Variants in KIFC3 observed in about 807,000 individuals in gnomAD.
KIFC3 encodes kinesin family member C3.
A neutral mutation model predicts 101.8 loss-of-function variants in KIFC3; 60 were observed. The ratio of observed to expected loss-of-function variants is 0.59; its 90% CI spans 0.48 to 0.73. The LOEUF is 0.73. Ranked by LOEUF, KIFC3 falls within the 30% of genes least tolerant of loss-of-function variation. The pLI is 0.00. For synonymous variants in KIFC3, 476 were observed against 482.7 expected (o/e 0.99, Z 0.18); for missense variants, 966 against 1,137.1 (o/e 0.85, Z 2.16).
chr16:57,823,125 T>G (rs781941321), intron 1 of KIFC3, among the ~76,000 whole-genome samples: 37 of 152,148 alleles, frequency 2.4e-4, no homozygotes, highest in Non-Finnish European at 4.9e-4. Context: ...ACACAGACCT[T>G]AAGTCTGATA....
chr16:57,806,313 C>G (rs555695352), upstream of KIFC3, among the ~76,000 whole-genome samples: 2 of 152,162 alleles, frequency 1.3e-5, no homozygotes, highest in Non-Finnish European at 2.9e-5. Flanking sequence ...TCCTTCACCC[C>G]ATTCTCATCT....
chr16:57,779,156 A>G (rs530290731), intron 3 of KIFC3, among the ~76,000 whole-genome samples: 4 of 152,382 alleles, frequency 2.6e-5, no homozygotes, highest in African/African-American at 9.6e-5. Context: ...CATTATTCAC[A>G]GTAACCAAAA....
At chr16:57,776,012 G>C in intron 3 of KIFC3, 1 of 985,476 alleles carries the variant, frequency 1.0e-6, no homozygotes, top group Non-Finnish European at 1.2e-6. Flanking sequence ...TTCACAGGCA[G>C]AAGCGGCTCG....
At chr16:57,774,661 T>C (rs1274055865) in intron 3 of KIFC3, 27 of 299,500 alleles carry the variant, frequency 9.0e-5, no homozygotes, top group Non-Finnish European at 1.6e-4. Flanking sequence ...TAGCTGGGAC[T>C]ACAAGCACAT....
intron 1 of KIFC3, among the ~76,000 whole-genome samples, chr16:57,838,731 GC>G (rs1225005135): frequency 6.6e-6 from 1 of 152,132 alleles, no homozygotes; most frequent in African/African-American, 2.4e-5. Context: ...TCATAGCTTT[GC>G]TTAATCCATT....
chr16:57,816,410 A>G (rs2055226006), intron 1 of KIFC3: 1 of 534,958 alleles, frequency 1.9e-6, no homozygotes, highest in Non-Finnish European at 3.3e-6. Flanking sequence ...CACAGGACAG[A>G]AGCTGGGCCA....
At chr16:57,776,020 TCGACCAAGGG>T (rs2052021750) in intron 3 of KIFC3, 6 of 985,352 alleles carry the variant, frequency 6.1e-6, no homozygotes, top group Non-Finnish European at 7.2e-6. Flanking sequence ...CAGAAGCGGC[TCGACCAAGGG>T]TGGGGCCAGC....
chr16:57,860,989 G>A (rs1337607399), intron 1 of KIFC3, among the ~76,000 whole-genome samples: 1 of 152,140 alleles, frequency 6.6e-6, no homozygotes, highest in Non-Finnish European at 1.5e-5. Context: ...TGGGATTACA[G>A]GCATGAGCCA....
intron 1 of KIFC3, among the ~76,000 whole-genome samples, chr16:57,817,358 C>T (rs565363439): frequency 7.1e-6 from 1 of 141,304 alleles, no homozygotes; most frequent in Admixed American, 7.2e-5. Context: ...GACTCTGTCT[C>T]AACAGAAAAA....
chr16:57,768,684 GA>G (rs1454743806), intron 9 of KIFC3, among the ~76,000 whole-genome samples: 16 of 152,158 alleles, frequency 1.1e-4, no homozygotes, highest in Non-Finnish European at 2.2e-4. Flanking sequence ...ATGTATTACT[GA>G]TATAGTCTTT....
chr16:57,800,198 C>T (rs2054628772), intron 1 of KIFC3, among the ~76,000 whole-genome samples: 1 of 152,210 alleles, frequency 6.6e-6, no homozygotes, highest in African/African-American at 2.4e-5. Flanking sequence ...GAGCCCAACC[C>T]TGGAAGAATG....
intron 1 of KIFC3, among the ~76,000 whole-genome samples, chr16:57,860,022 A>AAAAAATAAT (rs2056260237): frequency 8.1e-5 from 7 of 86,898 alleles, no homozygotes; most frequent in Non-Finnish European, 1.5e-4. Flanking sequence ...ACTCTGTCTC[A>AAAAAATAAT]AAAATAAAAT....
At chr16:57,803,833 A>G (rs1555626407), upstream of KIFC3, among the ~76,000 whole-genome samples, 1 of 152,198 alleles carries the variant, frequency 6.6e-6, no homozygotes, top group Non-Finnish European at 1.5e-5. Context: ...TGGGAGAGAA[A>G]GCCTTATTTG....
chr16:57,762,223 G>A lies in KIFC3; in HGVS notation c.1665C>T (p.Leu555=). 2 of 1,606,318 alleles carry A rather than the reference G, an allele frequency of 1.2e-6. No individual in the cohort carries two copies. Among genetic ancestry groups the A allele is most frequent in the Middle Eastern group, 1.7e-4 (1 of 6,048 alleles). The part of the protein sequence containing the change: ...PGINQRALQL[L]FSEVQEKASD... Reference sequence around the variant, plus strand: ...ACGCCTTCTCCTGCACCTCGGAGAAGAGCAGCTGCAGGGCCCGCTGGTTGA... The same window carrying A: ...ACGCCTTCTCCTGCACCTCGGAGAAAAGCAGCTGCAGGGCCCGCTGGTTGA... The change falls in exon 13 of 20, where the codon CTC becomes CTT. Residue 555 remains leucine, a synonymous_variant. Coordinates refer to ENST00000445690, the MANE Select transcript of KIFC3 (RefSeq NM_001130100.2).
At chr16:57,775,236 G>A (rs1306481699) in intron 3 of KIFC3, 1 of 1,313,232 alleles carries the variant, frequency 7.6e-7, no homozygotes, top group Non-Finnish European at 9.7e-7. Context: ...GGGATGGTGA[G>A]GGAGTTGAGG....
chr16:57,828,598 C>G (rs561457736), intron 1 of KIFC3, among the ~76,000 whole-genome samples: 111 of 152,354 alleles, frequency 7.3e-4, no homozygotes, highest in African/African-American at 2.1e-3. Flanking sequence ...TGTCCCAGCT[C>G]TACCCTGATG....
intron 1 of KIFC3, among the ~76,000 whole-genome samples, chr16:57,850,478 T>TTG (rs1555483274): frequency 1.5e-5 from 2 of 137,132 alleles, no homozygotes; most frequent in Non-Finnish European, 3.2e-5. Flanking sequence ...TTTTTTTTTT[T>TTG]TTTTTTTTTT....
chr16:57,862,480 C>T (rs1332167297), intron 1 of KIFC3, among the ~76,000 whole-genome samples: 1 of 151,976 alleles, frequency 6.6e-6, no homozygotes, highest in Non-Finnish European at 1.5e-5. Flanking sequence ...TACTATACTG[C>T]CATTAAGTTG....
intron 18 of KIFC3, 65 bp from the exon 19 acceptor site, chr16:57,759,218 T>G (rs2049509521): frequency 1.3e-6 from 2 of 1,529,066 alleles, no homozygotes; most frequent in African/African-American, 2.8e-5. Context: ...CACAAGACCC[T>G]GCTGCTGCTA....
Sources: gnomAD v4.1 joint callset for allele counts (sites outside exome capture counted in the v4.1 genomes callset) on GRCh38, gnomAD v4.1.1 for gene constraint, MANE v1.5 for transcripts, NCBI Gene and HGNC (gene_info 2026-07-23, HGNC 2026-07-21) for gene names.